AP2B1: variants seen among roughly 807,000 people sequenced by gnomAD.
AP2B1 encodes adaptor related protein complex 2 subunit beta 1, also known as AP-2 complex subunit beta.
A neutral mutation model predicts 102.0 loss-of-function variants in AP2B1; 23 were observed. The observed-to-expected ratio is 0.23, with a 90% CI of 0.16 to 0.32. The LOEUF (loss-of-function observed/expected upper bound fraction) is 0.32, where lower values mean the gene tolerates loss of function less well. AP2B1 is among the 10% of genes least tolerant of loss of function. The probability of loss-of-function intolerance (pLI) is 1.00; values close to 1 mark genes in which losing one functional copy is unlikely to be tolerated. For synonymous variants in AP2B1, 381 were observed against 421.2 expected, an observed-to-expected ratio of 0.90 and a Z score of 1.17; for missense variants, 541 against 1,157.4, an observed-to-expected ratio of 0.47 and a Z score of 7.73.
chr17:35,712,849 A>G (rs940318729), intron 20 of AP2B1, among the ~76,000 whole-genome samples: 1 of 152,232 alleles, frequency 6.6e-6, no homozygotes, highest in Non-Finnish European at 1.5e-5. Flanking sequence ...CTTATTAGTA[A>G]CATCATGTGG....
intron 1 of AP2B1, among the ~76,000 whole-genome samples, chr17:35,588,948 G>A (rs1405086898): frequency 6.6e-6 from 1 of 152,110 alleles, no homozygotes; most frequent in Non-Finnish European, 1.5e-5. Flanking sequence ...TTAGGCACAG[G>A]TTTGAACGAA....
rs1555594709 is a variant in AP2B1 at position 35,724,906 on chromosome 17, G to A, written c.*1207G>A. 2.0e-5 allele frequency: 3 copies of A among 152,174 alleles called. No individual in the cohort carries two copies. The highest frequency in any genetic ancestry group is 1.9e-4 in the East Asian group (1 of 5,194). 9.4% of individuals were successfully genotyped at this position (152,174 alleles called of 1,614,324 possible). A position where few individuals can be genotyped will look rare whatever the true frequency, so the allele number is the denominator to read the frequency against. Reference sequence around the variant, plus strand: ...TGAATATCTTTTGAATTACTCGAAGGTAAAGCCAGATGCCAGAATGAAGGT... The same window carrying A: ...TGAATATCTTTTGAATTACTCGAAGATAAAGCCAGATGCCAGAATGAAGGT... On this transcript the variant is annotated 3_prime_UTR_variant, in exon 22 of 22. Coordinates refer to ENST00000610402, the MANE Select transcript of AP2B1 (RefSeq NM_001030006.2).
intron 19 of AP2B1, 143 bp from the exon 20 acceptor site, chr17:35,710,091 G>A (rs2099190718): frequency 1.4e-6 from 1 of 692,148 alleles, no homozygotes; most frequent in Non-Finnish European, 2.6e-6. Context: ...CTTTTGTAGA[G>A]CTCAGCATTG....
intron 17 of AP2B1, among the ~76,000 whole-genome samples, chr17:35,682,230 A>G (rs1400313142): frequency 1.4e-5 from 2 of 145,404 alleles, no homozygotes; most frequent in East Asian, 4.4e-4. Flanking sequence ...ACTTTGCTCC[A>G]GCCTGGGTGA....
At chr17:35,655,293 G>C (rs1490558016) in intron 13 of AP2B1, among the ~76,000 whole-genome samples, 1 of 152,062 alleles carries the variant, frequency 6.6e-6, no homozygotes, top group Non-Finnish European at 1.5e-5. Context: ...ATCAGATATA[G>C]AATATTTTCA....
At chr17:35,667,028 C>T (rs1463061386) in intron 14 of AP2B1, among the ~76,000 whole-genome samples, 2 of 152,204 alleles carry the variant, frequency 1.3e-5, no homozygotes, top group Non-Finnish European at 2.9e-5. Context: ...GGCTGATATA[C>T]AACAACTTTC....
intron 3 of AP2B1, among the ~76,000 whole-genome samples, chr17:35,604,600 A>G (rs1216397669): frequency 6.6e-6 from 1 of 152,158 alleles, no homozygotes; most frequent in Non-Finnish European, 1.5e-5. Context: ...TCTACTAAAA[A>G]TATAAAAATT....
chr17:35,685,760 T>A (rs1342449622), intron 18 of AP2B1, among the ~76,000 whole-genome samples: 1 of 152,316 alleles, frequency 6.6e-6, no homozygotes, highest in Non-Finnish European at 1.5e-5. Flanking sequence ...AAGATACCAT[T>A]CATTCTTTTT....
chr17:35,656,871 C>CGAGA (rs2075241071), intron 13 of AP2B1, among the ~76,000 whole-genome samples: 1 of 126,606 alleles, frequency 7.9e-6, no homozygotes, highest in East Asian at 2.4e-4. Context: ...GGCGACAGAG[C>CGAGA]GAGACTCCGT....
At chr17:35,714,848 C>T (rs1555589134) in intron 20 of AP2B1, among the ~76,000 whole-genome samples, 1 of 152,186 alleles carries the variant, frequency 6.6e-6, no homozygotes, top group Non-Finnish European at 1.5e-5. Context: ...ATCATCAGCA[C>T]ACAGTGAAAC....
At chr17:35,614,519 G>GT (rs2073956703) in intron 5 of AP2B1, among the ~76,000 whole-genome samples, 1 of 151,918 alleles carries the variant, frequency 6.6e-6, no homozygotes, top group Admixed American at 6.6e-5. Flanking sequence ...TTCAGTCCTC[G>GT]TAAGTCCCTT....
chr17:35,680,704 T>G (rs59732828), intron 17 of AP2B1, among the ~76,000 whole-genome samples: 6,316 of 148,004 alleles, frequency 0.043, 206 homozygotes, highest in African/African-American at 0.07. Flanking sequence ...TTTTTTGTTT[T>G]TTTTTTTTTT....
chr17:35,606,870 G>T (rs1598012506), intron 4 of AP2B1, among the ~76,000 whole-genome samples: 2 of 150,790 alleles, frequency 1.3e-5, no homozygotes, highest in East Asian at 3.9e-4. Context: ...TCCTATCATA[G>T]ATTTAAAGAA....
chr17:35,642,909 A>AAACATCAG (rs995736004), intron 12 of AP2B1, among the ~76,000 whole-genome samples: 3 of 152,172 alleles, frequency 2.0e-5, no homozygotes, highest in African/African-American at 7.2e-5. Context: ...AAGCAATTAT[A>AAACATCAG]AACATCAGTG....
intron 5 of AP2B1, among the ~76,000 whole-genome samples, chr17:35,610,118 A>G (rs1460739502): frequency 2.7e-5 from 4 of 150,362 alleles, no homozygotes; most frequent in Admixed American, 1.3e-4. Flanking sequence ...TATTTCCCCT[A>G]AGTAACACCA....
Position 35,639,377 on chromosome 17 carries a change from A to T in AP2B1, c.1272-218A>T, listed in dbSNP as rs191528235. 2.6e-3 allele frequency among the ~76,000 whole-genome samples: 398 copies of T among 152,298 alleles called. 1 individual carries two copies. The highest frequency in any genetic ancestry group is 2.6e-3 in the Non-Finnish European group (177 of 68,024). On this transcript the variant is annotated intron_variant, in intron 10 of 21. Coordinates refer to ENST00000610402, the MANE Select transcript of AP2B1 (RefSeq NM_001030006.2). ...ACAAAAGAACATCTGATGAATTTTT[A>T]TAAAGGTTTTAAGGTCTAGGTCTTA...
chr17:35,689,399 C>T (rs1267057397), intron 18 of AP2B1, among the ~76,000 whole-genome samples: 1 of 152,064 alleles, frequency 6.6e-6, no homozygotes, highest in Non-Finnish European at 1.5e-5. Flanking sequence ...AGGCTGGTCT[C>T]GGATTCCTGA....
intron 16 of AP2B1, among the ~76,000 whole-genome samples, chr17:35,672,427 GA>G (rs1567953950): frequency 6.6e-6 from 1 of 152,186 alleles, no homozygotes; most frequent in Non-Finnish European, 1.5e-5. Flanking sequence ...TTCAAGAGGG[GA>G]AACTCCCGGT....
chr17:35,710,909 GA>G (rs113237729), intron 20 of AP2B1, among the ~76,000 whole-genome samples: 4 of 151,540 alleles, frequency 2.6e-5, no homozygotes, highest in East Asian at 1.9e-4. Flanking sequence ...CTCTATAAAA[GA>G]AAAAAAAGCC....
Sources: gnomAD v4.1 joint callset for allele counts (sites outside exome capture counted in the v4.1 genomes callset) on GRCh38, gnomAD v4.1.1 for gene constraint, MANE v1.5 for transcripts, NCBI Gene and HGNC (gene_info 2026-07-23, HGNC 2026-07-21) for gene names.